Variants in C3orf52 observed in about 807,000 individuals in gnomAD.
The protein encoded by C3orf52 is TPA-induced transmembrane protein.
A neutral mutation model predicts 24.8 loss-of-function variants in C3orf52; 22 were observed. The observed-to-expected ratio is 0.89, with a 90% confidence interval of 0.63 to 1.27. The LOEUF (loss-of-function observed/expected upper bound fraction) is 1.27. Among genes scored for constraint, C3orf52 ranks in the 50% most tolerant of loss-of-function variants. The pLI, the probability that C3orf52 is intolerant of heterozygous loss-of-function variation, is 0.00. For missense variants in C3orf52, 265 were observed against 260.7 expected (o/e 1.02, Z -0.11); for synonymous variants, 93 against 100.2 (o/e 0.93, Z 0.43).
downstream of C3orf52, chr3:112,132,823 A>G (rs1360768010): frequency 5.0e-6 from 2 of 400,036 alleles, no homozygotes; most frequent in Non-Finnish European, 8.3e-6. Context: ...GTGGTAACCT[A>G]TTATATAGAC....
At chr3:112,128,933 T>C (rs193246461), downstream of C3orf52, 2 of 152,310 alleles carry the variant, frequency 1.3e-5, no homozygotes, top group Non-Finnish European at 2.9e-5. Context: ...CATCCAAAAA[T>C]ATCTCCCCCC....
chr3:112,119,491 C>T, downstream of C3orf52: 3 of 702,990 alleles, frequency 4.3e-6, no homozygotes, highest in South Asian at 4.4e-5. Flanking sequence ...AAGCCGAATC[C>T]TGAAGCACTG....
At chr3:112,087,772 G>A (rs1217029144) in intron 1 of C3orf52, among the ~76,000 whole-genome samples, 2 of 150,828 alleles carry the variant, frequency 1.3e-5, no homozygotes, top group Admixed American at 1.3e-4. Context: ...CCTCCAGGGC[G>A]GTGTCCAGGA....
At chr3:112,129,593 T>A (rs2074404654), downstream of C3orf52, 1 of 152,214 alleles carries the variant, frequency 6.6e-6, no homozygotes, top group Non-Finnish European at 1.5e-5. Flanking sequence ...CTCTCCCTTG[T>A]TATAATGCCG....
downstream of C3orf52, chr3:112,129,689 T>C (rs1347101730): frequency 6.6e-6 from 1 of 152,232 alleles, no homozygotes; most frequent in African/African-American, 2.4e-5. Flanking sequence ...ATTCTCAACT[T>C]GAACTGAAAA....
Position 112,102,974 on chromosome 3 carries a change from A to G in C3orf52, c.396+9A>G, listed in dbSNP as rs1322888542. ...ACCTGCTCACCGAAAGGGTAATTCC[A>G]TCTTATATATTGCCTAAGGAGTTCT... On this transcript the variant is annotated intron_variant, in intron 3 of 5. Coordinates refer to ENST00000264848, the MANE Select transcript of C3orf52 (RefSeq NM_024616.3). 5.6e-6 allele frequency: 9 copies of G among 1,611,352 alleles called. No homozygotes were observed. Among genetic ancestry groups the G allele is most frequent in the South Asian group, 4.4e-5 (4 of 90,220 alleles).
rs565917804 is a variant in C3orf52 at position 112,095,967 on chromosome 3, C to T, written c.268+2478C>T. Among the ~76,000 whole-genome samples, 3 of 152,304 alleles carry T rather than the reference C, an allele frequency of 2.0e-5. No homozygotes were observed. The South Asian group carries it at 6.2e-4, about 32-fold the overall frequency. On this transcript the variant is annotated intron_variant, in intron 2 of 5. Coordinates refer to ENST00000264848, the MANE Select transcript of C3orf52 (RefSeq NM_024616.3). ...ATATTTGTGGAACTTTCAAGTACTGCATGGGAAATGTTGTCTGGGGATAAA... is the reference window on the plus strand; with the variant it reads ...ATATTTGTGGAACTTTCAAGTACTGTATGGGAAATGTTGTCTGGGGATAAA...
At chr3:112,092,165 A>G (rs909593698) in intron 1 of C3orf52, among the ~76,000 whole-genome samples, 3 of 152,170 alleles carry the variant, frequency 2.0e-5, no homozygotes, top group African/African-American at 7.2e-5. Flanking sequence ...CGAACTCCCA[A>G]TAATTGTTTA....
intron 1 of C3orf52, among the ~76,000 whole-genome samples, chr3:112,089,821 T>C (rs1403429731): frequency 6.6e-6 from 1 of 152,188 alleles, no homozygotes; most frequent in African/African-American, 2.4e-5. Flanking sequence ...TATTTAGACC[T>C]TTATCTAAAG....
intron 1 of C3orf52, among the ~76,000 whole-genome samples, chr3:112,092,051 G>A (rs1240424616): frequency 6.6e-6 from 1 of 152,094 alleles, no homozygotes; most frequent in Non-Finnish European, 1.5e-5. Context: ...AAGCAGGCCA[G>A]GTGGCCAGGT....
chr3:112,124,687 A>G lies in C3orf52; in HGVS notation c.*47-3546A>G, dbSNP rs950653615. Among the ~76,000 whole-genome samples, 4 of 152,262 alleles carry G rather than the reference A, an allele frequency of 2.6e-5. No individual in the cohort carries two copies. In the South Asian group the frequency reaches 8.3e-4, roughly 32 times the overall value. The stretch of plus-strand genomic sequence containing the variant: ...GCTGTGATATTTAATTACCCTCTAG[A>G]GATATTTATGTTATTAAATAGGGAA... On this transcript the variant is annotated intron_variant, in intron 4 of 4. Transcript: ENST00000480282.
At chr3:112,107,950 G>A (rs2074042411) in intron 3 of C3orf52, among the ~76,000 whole-genome samples, 1 of 152,198 alleles carries the variant, frequency 6.6e-6, no homozygotes, top group Non-Finnish European at 1.5e-5. Flanking sequence ...GGGCACTGCT[G>A]TTTTTTGTAT....
intron 2 of C3orf52, among the ~76,000 whole-genome samples, chr3:112,096,405 A>T (rs768527382): frequency 2.0e-5 from 3 of 152,160 alleles, no homozygotes; most frequent in Admixed American, 6.5e-5. Context: ...TTCAGAAGGG[A>T]TGTGTTTTAT....
intron 2 of C3orf52, among the ~76,000 whole-genome samples, chr3:112,095,334 G>A (rs2073915568): frequency 6.6e-6 from 1 of 152,190 alleles, no homozygotes; most frequent in Non-Finnish European, 1.5e-5. Context: ...GCACAATCTT[G>A]TCCTGACATA....
Position 112,117,459 on chromosome 3 carries a change from CTG to C in C3orf52, c.*816_*817del, listed in dbSNP as rs1162412948. On this transcript the variant is annotated 3_prime_UTR_variant, in exon 6 of 6. Coordinates refer to ENST00000264848, the MANE Select transcript of C3orf52 (RefSeq NM_024616.3). Reference sequence around the variant, plus strand: ...AACACCTTTTTGGAAATATGGGTCTCTGTGAGTTTTGAGCACACTACTATCAC... The same window carrying C: ...AACACCTTTTTGGAAATATGGGTCTCTGAGTTTTGAGCACACTACTATCAC... The C allele has an allele frequency of 3.9e-5, 6 of 155,104 alleles. No homozygotes were observed. Among genetic ancestry groups the C allele is most frequent in the African/African-American group, 1.4e-4 (6 of 41,562 alleles). The allele number at this position is 155,104 out of a possible 1,614,324, so 9.6% of individuals were successfully genotyped here. A position where few individuals can be genotyped will look rare whatever the true frequency, so the allele number is the denominator to read the frequency against.
chr3:112,121,825 C>T (rs952984465), downstream of C3orf52: 7 of 152,180 alleles, frequency 4.6e-5, no homozygotes, highest in Non-Finnish European at 7.3e-5. Flanking sequence ...GGAGTCAGCA[C>T]ATTTTACATA....
intron 3 of C3orf52, among the ~76,000 whole-genome samples, chr3:112,105,550 G>A (rs1261228907): frequency 6.6e-6 from 1 of 151,350 alleles, no homozygotes; most frequent in African/African-American, 2.4e-5. Flanking sequence ...GTGTGTGTGT[G>A]TGTGTGTGTG....
intron 4 of C3orf52, among the ~76,000 whole-genome samples, chr3:112,124,254 C>T (rs941676274): frequency 6.6e-6 from 1 of 152,140 alleles, no homozygotes; most frequent in Admixed American, 6.6e-5. Flanking sequence ...CACAAGTGGA[C>T]TAAGACACTA....
intron 4 of C3orf52, among the ~76,000 whole-genome samples, chr3:112,125,657 C>T (rs1460714881): frequency 2.0e-5 from 3 of 152,206 alleles, no homozygotes; most frequent in African/African-American, 7.2e-5. Flanking sequence ...CCTCAAAAGG[C>T]TCACAAGCTA....
Sources: allele counts gnomAD v4.1 joint callset (sites outside exome capture counted in the v4.1 genomes callset), GRCh38; gene constraint gnomAD v4.1.1; transcripts MANE v1.5; gene names NCBI Gene and HGNC (gene_info 2026-07-23, HGNC 2026-07-21).